Variants in SCNN1D observed in about 807,000 individuals in gnomAD.
SCNN1D encodes the protein sodium channel epithelial 1 subunit delta.
A neutral mutation model predicts 87.8 loss-of-function variants in SCNN1D; 104 were observed. That is an observed-to-expected ratio of 1.18 (90% CI 1.01 to 1.39). The LOEUF is 1.39. SCNN1D is among the 40% of genes most tolerant of loss of function. The pLI is 0.00. For missense variants in SCNN1D, 1,324 were observed against 1,093.9 expected, an observed-to-expected ratio of 1.21 and a Z score of -2.97; for synonymous variants, 628 against 481.2, an observed-to-expected ratio of 1.31 and a Z score of -3.99.
At position 1,287,832 on chromosome 1, in the gene SCNN1D, G is replaced by T; in HGVS notation, c.1559G>T (p.Arg520Leu). The T allele has an allele frequency of 6.5e-7, 1 of 1,547,034 alleles. No individual in the cohort carries two copies. ...RPGTEATISI[R>L]EDEVHRLGSP... The stretch of plus-strand genomic sequence containing the variant: ...GGGACGGAGGCCACCATCAGCATCC[G>T]AGAGGTGAGCTGGCCTCTGCAGCCA... Residue 520 changes from arginine (R) to leucine (L), a missense_variant, in exon 11 of 18, where the codon CGA becomes CTA. Coordinates refer to ENST00000379116, the MANE Select transcript of SCNN1D (RefSeq NM_001130413.4).
Position 1,288,022 on chromosome 1 carries a change from C to T in SCNN1D, c.1647C>T (p.Thr549=), listed in dbSNP as rs1640643169. The T allele has an allele frequency of 1.3e-6, 2 of 1,537,464 alleles. No individual in the cohort carries two copies. Among genetic ancestry groups the T allele is most frequent in the African/African-American group, 1.4e-5 (1 of 69,790 alleles). Residue 549 remains threonine, a synonymous_variant, in exon 12 of 18, where the codon ACC becomes ACT. Transcript: ENST00000379116. Reference sequence around the variant, plus strand: ...TGGAGGTGGAGCTGCTACACAACACCTCCTACACCAGGCAGGTGAGGCTGG... The same window carrying T: ...TGGAGGTGGAGCTGCTACACAACACTTCCTACACCAGGCAGGTGAGGCTGG... ...EGVEVELLHN[T]SYTRQACLVS... is the part of the protein sequence containing the mutation.
chr1:1,281,119 CAG>C, intron 1 of SCNN1D, 105 bp from the exon 2 acceptor site: 11 of 1,083,912 alleles, frequency 1.0e-5, no homozygotes, highest in Non-Finnish European at 1.5e-5. Flanking sequence ...AGGGCTGACT[CAG>C]AGTGACCCTG....
At position 1,285,959 on chromosome 1, in the gene SCNN1D, C is replaced by A; in HGVS notation, c.592C>A (p.Pro198Thr). ...AAQTPPRPGP[P>T]SAPPPPPKEG... Reference sequence around the variant, plus strand: ...CCAGACGCCCCCCAGGCCGGGGCCACCATCAGCACCACCACCACCACCCAA... The same window carrying A: ...CCAGACGCCCCCCAGGCCGGGGCCAACATCAGCACCACCACCACCACCCAA... The change falls in exon 7 of 18, where the codon CCA (proline) becomes ACA (threonine). Residue 198 changes from proline to threonine, a missense_variant. Transcript: ENST00000379116. The A allele has an allele frequency of 6.4e-7, 1 of 1,559,274 alleles. No individual in the cohort carries two copies. The highest frequency in any genetic ancestry group is 1.4e-5 in the African/African-American group (1 of 73,536).
intron 15 of SCNN1D, 61 bp from the exon 16 acceptor site, chr1:1,290,834 G>A (rs1038388106): frequency 1.3e-6 from 2 of 1,593,842 alleles, no homozygotes; most frequent in Admixed American, 1.7e-5. Flanking sequence ...ATCCGCCCGT[G>A]GTACCCAGGA....
chr1:1,290,980 G>A, intron 16 of SCNN1D, 27 bp downstream of exon 16: 1 of 1,598,174 alleles, frequency 6.3e-7, no homozygotes, highest in East Asian at 2.3e-5. Flanking sequence ...CCTCCAGAGA[G>A]GCATCACAGC....
intron 4 of SCNN1D, among the ~76,000 whole-genome samples, chr1:1,282,839 G>A (rs557622196): frequency 2.0e-5 from 3 of 150,892 alleles, no homozygotes; most frequent in South Asian, 2.1e-4. Flanking sequence ...TGCAAGCTCC[G>A]CCTCCTGGGT....
At position 1,280,622 on chromosome 1, in the gene SCNN1D, TG is replaced by T; in HGVS notation, c.-39del. The stretch of plus-strand genomic sequence containing the variant: ...TTCTCATCAGACTCAAGGCCTGAGG[TG>T]ATGCTGATGCTGTGCCTGAATTCCA... On this transcript the variant is annotated 5_prime_UTR_variant, in exon 1 of 18. An upstream open reading frame in the 5' UTR loses its in-frame stop. Coordinates refer to ENST00000379116, the MANE Select transcript of SCNN1D (RefSeq NM_001130413.4). The T allele has an allele frequency of 1.4e-6, 1 of 699,022 alleles. No homozygotes were observed. The highest frequency in any genetic ancestry group is 2.6e-6 in the Non-Finnish European group (1 of 383,206). The allele number at this position is 699,022 out of a possible 1,614,324, so 43.3% of individuals were successfully genotyped here.
At chr1:1,289,313 C>T (rs371213117) in intron 12 of SCNN1D, among the ~76,000 whole-genome samples, 2 of 10,862 alleles carry the variant, frequency 1.8e-4, no homozygotes, top group Non-Finnish European at 3.2e-4. Context: ...GTGTCTCTGC[C>T]CCGTCCCGTG....
intron 6 of SCNN1D, 98 bp downstream of exon 6, chr1:1,285,762 G>A (rs539489481): frequency 1.6e-6 from 2 of 1,228,208 alleles, no homozygotes; most frequent in East Asian, 2.6e-5. Context: ...AGGGACGGGT[G>A]TATCCGGGGA....
Position 1,286,278 on chromosome 1 carries a change from G to A in SCNN1D, c.911G>A (p.Arg304Gln), listed in dbSNP as rs776002714. Reference protein sequence around the residue: ...LVTLCDGNPRRPSPVLRHLEL... With the variant: ...LVTLCDGNPRQPSPVLRHLEL... ...ACCCTGTGTGACGGGAACCCACGTC[G>A]GTGAGGGCCAGGGCTGTCGGCGGGA... is the stretch of plus-strand genomic sequence containing the variant. The change falls in exon 7 of 18, where the codon CGG (arginine) becomes CAG (glutamine). Residue 304 changes from arginine (R) to glutamine (Q), a missense_variant and splice_region_variant. By Grantham distance (43) the Arg-to-Gln change is conservative. Transcript: ENST00000379116. 13 of 1,575,932 alleles carry A rather than the reference G, an allele frequency of 8.2e-6. No individual in the cohort carries two copies. The highest frequency in any genetic ancestry group is 1.7e-4 in the Middle Eastern group (1 of 6,002).
Position 1,290,918 on chromosome 1 carries a change from TGAACAGGGG to T in SCNN1D, c.1942_1950del (p.Glu648_Gly650del). Reference sequence around the variant, plus strand: ...AGGGATGGACTCTGGCCACGCTAGGTGAACAGGGGCTGCCGCATCAGAGCCACAGACAGA... The same window carrying T: ...AGGGATGGACTCTGGCCACGCTAGGTCTGCCGCATCAGAGCCACAGACAGA... On this transcript the variant is annotated inframe_deletion, in exon 16 of 18. Coordinates refer to ENST00000379116, the MANE Select transcript of SCNN1D (RefSeq NM_001130413.4). 6.2e-7 allele frequency: 1 copy of T among 1,609,820 alleles called. No individual in the cohort carries two copies. Among genetic ancestry groups the T allele is most frequent in the Non-Finnish European group, 8.5e-7 (1 of 1,178,832 alleles).
In SCNN1D at chr1:1,286,045, C is replaced by G; in HGVS notation, c.678C>G (p.Phe226Leu). 6.3e-7 allele frequency: 1 copy of G among 1,582,948 alleles called. No individual in the cohort carries two copies. Among genetic ancestry groups the G allele is most frequent in the African/African-American group, 1.3e-5 (1 of 74,504 alleles). ...LPASFRELLT[F>L]FCTNATIHGA... ...CCTCGTTCCGGGAGCTGCTCACCTT[C>G]TTCTGCACCAATGCCACCATCCACG... The change falls in exon 7 of 18, where the codon TTC becomes TTG. Residue 226 changes from phenylalanine to leucine, a missense_variant. By Grantham distance (22) the Phe-to-Leu change is conservative. Transcript: ENST00000379116.
intron 5 of SCNN1D, among the ~76,000 whole-genome samples, chr1:1,284,905 C>G (rs1640556379): frequency 6.6e-6 from 1 of 152,196 alleles, no homozygotes; most frequent in African/African-American, 2.4e-5. Context: ...CTCCAGACCC[C>G]AATCCACAGC....
chr1:1,283,945 C>A, intron 4 of SCNN1D, 33 bp from the exon 5 acceptor site: 1 of 1,323,306 alleles, frequency 7.6e-7, no homozygotes, highest in Non-Finnish European at 1.0e-6. Flanking sequence ...GCCTGCAGCA[C>A]AGTCCCACGC....
At chr1:1,281,716 G>A in intron 3 of SCNN1D, 106 bp downstream of exon 3, 1 of 1,031,648 alleles carries the variant, frequency 9.7e-7, no homozygotes, top group South Asian at 1.6e-5. Flanking sequence ...AGGCCCTGCA[G>A]GGCATACGGG....
intron 3 of SCNN1D, 87 bp downstream of exon 3, chr1:1,281,697 C>A: frequency 8.0e-7 from 1 of 1,252,764 alleles, no homozygotes; most frequent in Non-Finnish European, 1.1e-6. Flanking sequence ...CCGAGATGTG[C>A]TCTGACTGAG....
In SCNN1D at chr1:1,280,674, C is replaced by T. The variant is rs538660611; in HGVS notation, c.5+8C>T. The T allele has an allele frequency of 1.7e-5, 12 of 701,714 alleles. No homozygotes were observed. The highest frequency in any genetic ancestry group is 1.0e-4 in the Admixed American group (5 of 50,004). 43.5% of individuals were successfully genotyped at this position (701,714 alleles called of 1,614,324 possible). ...GCAGGGAGGAGGCATGAGGTGCGTC[C>T]GACTCCCTTCCCATCACAGCTGAGC... is the stretch of plus-strand genomic sequence containing the variant. On this transcript the variant is annotated splice_region_variant and intron_variant, in intron 1 of 17. Transcript: ENST00000379116.
Position 1,283,988 on chromosome 1 carries a change from G to T in SCNN1D, c.362G>T (p.Gly121Val). The change falls in exon 5 of 18, where the codon GGC becomes GTC. Residue 121 changes from glycine to valine, a missense_variant. Physicochemically the swap from Gly to Val is moderately radical, Grantham distance 109 (BLOSUM62 -3). Transcript: ENST00000379116. Reference sequence around the variant, plus strand: ...GCCTGTTTTAAATAGGAGGCCAGAGGCTCCATCCTGCTTCAGAGCTGCCAG... The same window carrying T: ...GCCTGTTTTAAATAGGAGGCCAGAGTCTCCATCCTGCTTCAGAGCTGCCAG... Reference protein sequence around the residue: ...ASFQSRQEARGSILLQSCQLP... With the variant: ...ASFQSRQEARVSILLQSCQLP... The T allele has an allele frequency of 5.5e-6, 8 of 1,453,734 alleles. No homozygotes were observed. The highest frequency in any genetic ancestry group is 7.2e-6 in the Non-Finnish European group (8 of 1,107,060). 90.1% of individuals were successfully genotyped at this position (1,453,734 alleles called of 1,614,324 possible).
chr1:1,286,669 G>A (rs1263180640), intron 7 of SCNN1D, 99 bp from the exon 8 acceptor site: 10 of 1,180,084 alleles, frequency 8.5e-6, no homozygotes, highest in African/African-American at 3.0e-5. Flanking sequence ...GGCGTCCCGA[G>A]TAGGGGAGGC....
Sources: allele counts gnomAD v4.1 joint callset (sites outside exome capture counted in the v4.1 genomes callset), GRCh38; gene constraint gnomAD v4.1.1; transcripts MANE v1.5; gene names NCBI Gene and HGNC (gene_info 2026-07-23, HGNC 2026-07-21).